The following DNAH10 variants were observed in gnomAD, a reference collection of about 807,000 sequenced individuals.
The protein encoded by DNAH10 is dynein axonemal heavy chain 10, also known as axonemal beta dynein heavy chain 10.
In DNAH10, 348 loss-of-function variants were observed where a neutral mutation model predicts 506.6. The observed-to-expected ratio is 0.69, with a 90% CI of 0.63 to 0.75. The LOEUF (loss-of-function observed/expected upper bound fraction) is 0.75. Among genes scored for constraint, DNAH10 ranks in the 30% least tolerant of loss-of-function variants. DNAH10 has a pLI of 0.00. For missense variants in DNAH10, 5,179 were observed against 5,787.1 expected, an observed-to-expected ratio of 0.89 and a Z score of 3.41; for synonymous variants, 2,059 against 2,198.6, an observed-to-expected ratio of 0.94 and a Z score of 1.78.
At chr12:123,851,204 A>AGACGGGACCTAGGATGTGTCAGCTCCG in intron 35 of DNAH10, 128 bp downstream of exon 35, 1 of 984,168 alleles carries the variant, frequency 1.0e-6, no homozygotes, top group Non-Finnish European at 1.4e-6. Flanking sequence ...TGTCAGCTCC[A>AGACGGGACCTAGGATGTGTCAGCTCCG]TGTGGCTCTT....
At position 123,787,451 on chromosome 12, in the gene DNAH10, A is replaced by G. The variant is rs1309090518; in HGVS notation, c.1422-353A>G. On this transcript the variant is annotated intron_variant, in intron 9 of 78. Transcript: ENST00000673944. The surrounding 1 kb of genome is among the most constrained non-coding windows in gnomAD (Gnocchi z 4.6). Reference sequence around the variant, plus strand: ...CATTTCTGTCTATTTGCATAGGTGAAGTAGGTACCCAAATGGAGGCATTGT... The same window carrying G: ...CATTTCTGTCTATTTGCATAGGTGAGGTAGGTACCCAAATGGAGGCATTGT... 6.6e-6 allele frequency among the ~76,000 whole-genome samples: 1 copy of G among 152,184 alleles called. No individual in the cohort carries two copies. Among genetic ancestry groups the G allele is most frequent in the Non-Finnish European group, 1.5e-5 (1 of 68,032 alleles).
In DNAH10 at chr12:123,928,373, C is replaced by G. The variant is rs371805293; in HGVS notation, c.12106-14C>G. 2 of 1,573,942 alleles carry G rather than the reference C, an allele frequency of 1.3e-6. No homozygotes were observed. Among genetic ancestry groups the G allele is most frequent in the Admixed American group, 1.8e-5 (1 of 54,158 alleles). On this transcript the variant is annotated splice_polypyrimidine_tract_variant and intron_variant, in intron 69 of 78. Transcript: ENST00000673944. The surrounding 1 kb of genome is among the most constrained non-coding windows in gnomAD (Gnocchi z 4.9). ...GATGCCAACCCCTCTCCTCTTCCCT[C>G]TCCCCCGGCGCAGGTGGCCCTGCAG...
Position 123,804,972 on chromosome 12 carries a change from C to A in DNAH10, c.2919C>A (p.Pro973=), listed in dbSNP as rs148191324. 8.1e-6 allele frequency: 13 copies of A among 1,614,218 alleles called. No homozygotes were observed. In the African/African-American group the frequency reaches 1.6e-4, roughly 20 times the overall value. ...TCCACACCAACACAGGCAAGGCCCCCAAGCTGGCCTCCTACTACAAATACT... is the reference window on the plus strand; with the variant it reads ...TCCACACCAACACAGGCAAGGCCCCAAAGCTGGCCTCCTACTACAAATACT... ...LVVHTNTGKA[P]KLASYYKYWE... The change falls in exon 18 of 79, where the codon CCC becomes CCA. Residue 973 remains proline, a synonymous_variant. Coordinates refer to ENST00000673944, the MANE Select transcript of DNAH10 (RefSeq NM_001372106.1).
intron 57 of DNAH10, among the ~76,000 whole-genome samples, chr12:123,905,213 C>T (rs901256630): frequency 1.3e-5 from 2 of 152,248 alleles, no homozygotes; most frequent in Non-Finnish European, 2.9e-5. Flanking sequence ...AACATTCCTT[C>T]ACATTCCATT....
chr12:123,923,900 C>A lies in DNAH10; in HGVS notation c.11611+33C>A, dbSNP rs758744152. 7 of 1,457,626 alleles carry A rather than the reference C, an allele frequency of 4.8e-6. 1 individual carries two copies. In the South Asian group the frequency reaches 8.6e-5, roughly 18 times the overall value. The allele number at this position is 1,457,626 out of a possible 1,614,324, so 90.3% of individuals were successfully genotyped here. On this transcript the variant is annotated intron_variant, in intron 66 of 78. Transcript: ENST00000673944. ...ATTTGCCTAGCTTCATTCCTCCCATCTCCTTGCCCACATGATACATGTATA... is the reference window on the plus strand; with the variant it reads ...ATTTGCCTAGCTTCATTCCTCCCATATCCTTGCCCACATGATACATGTATA...
Position 123,866,097 on chromosome 12 carries a change from C to T in DNAH10, c.7167+24C>T, listed in dbSNP as rs1008868831. 3.2e-6 allele frequency: 5 copies of T among 1,563,364 alleles called. No individual in the cohort carries two copies. In the African/African-American group the frequency reaches 6.8e-5, roughly 21 times the overall value. On this transcript the variant is annotated intron_variant, in intron 41 of 78. Coordinates refer to ENST00000673944, the MANE Select transcript of DNAH10 (RefSeq NM_001372106.1). ...AGGTGAAATTTTTTTCTAAAATGAACTTAAATTTATTAGTATTGATGGCTA... is the reference window on the plus strand; with the variant it reads ...AGGTGAAATTTTTTTCTAAAATGAATTTAAATTTATTAGTATTGATGGCTA...
chr12:123,889,655 G>A (rs1160742798), intron 52 of DNAH10, among the ~76,000 whole-genome samples: 6 of 152,204 alleles, frequency 3.9e-5, no homozygotes, highest in African/African-American at 1.4e-4. Flanking sequence ...AGGCGTCACT[G>A]TAGAGACTTT....
chr12:123,879,401 A>G (rs1198586713), intron 49 of DNAH10, 44 bp downstream of exon 49: 1 of 1,543,070 alleles, frequency 6.5e-7, no homozygotes, highest in Non-Finnish European at 8.7e-7. Flanking sequence ...CTTCTCAGGA[A>G]AATAAACAAG....
intron 38 of DNAH10, 146 bp from the exon 39 acceptor site, chr12:123,860,866 G>A: frequency 2.0e-6 from 2 of 996,878 alleles, no homozygotes; most frequent in Non-Finnish European, 3.0e-6. Context: ...TAACAGTGAA[G>A]GGAAGCCCAG....
chr12:123,796,665 A>C lies in DNAH10; in HGVS notation c.1996A>C (p.Ile666Leu), dbSNP rs758334040. ...LAQYCKEIDI[I>L]NKIFVQNLEN... ...TTTGATTGCTTTTCAGATTGACATC[A>C]TTAATAAAATCTTTGTCCAGAACCT... Residue 666 changes from isoleucine to leucine, a missense_variant, in exon 13 of 79, where the codon ATT (isoleucine) becomes CTT (leucine). By Grantham distance (5) the Ile-to-Leu change is conservative. Transcript: ENST00000673944. 9 of 1,605,564 alleles carry C rather than the reference A, an allele frequency of 5.6e-6. 1 individual carries two copies. In the South Asian group the frequency reaches 1.0e-4, roughly 18 times the overall value.
chr12:123,816,451 T>C (rs1959146039), intron 21 of DNAH10, among the ~76,000 whole-genome samples: 1 of 152,218 alleles, frequency 6.6e-6, no homozygotes, highest in African/African-American at 2.4e-5. Context: ...TTTGGAGAGC[T>C]TCCAGGTTGT....
In DNAH10 at chr12:123,861,091, A is replaced by G. The variant is rs1430718180; in HGVS notation, c.6829A>G (p.Thr2277Ala). ...VIELYGILDP[T>A]TRDWTDGVLS... ...AGAACTCTACGGCATCCTGGACCCA[A>G]CCACCCGAGACTGGACAGATGGGGT... The change falls in exon 39 of 79, where the codon ACC (threonine) becomes GCC (alanine). Residue 2277 changes from threonine (T) to alanine (A), a missense_variant. This residue lies in a region of DNAH10 where 4,844 missense variants were observed against 5,430.5 expected (regional missense o/e 0.89). Coordinates refer to ENST00000673944, the MANE Select transcript of DNAH10 (RefSeq NM_001372106.1). The G allele has an allele frequency of 3.1e-6, 5 of 1,613,852 alleles. No homozygotes were observed. The highest frequency in any genetic ancestry group is 3.3e-5 in the Admixed American group (2 of 59,994).
intron 65 of DNAH10, among the ~76,000 whole-genome samples, chr12:123,920,305 C>T (rs1954669710): frequency 6.6e-6 from 1 of 152,198 alleles, no homozygotes; most frequent in Non-Finnish European, 1.5e-5. Flanking sequence ...CAAACTTTTT[C>T]TGGAAAGGGT....
At chr12:123,900,898 T>C (rs1953489234) in intron 56 of DNAH10, among the ~76,000 whole-genome samples, 1 of 152,164 alleles carries the variant, frequency 6.6e-6, no homozygotes, top group Non-Finnish European at 1.5e-5. Flanking sequence ...AGAGGGCTCT[T>C]CTTTCCCATA....
intron 24 of DNAH10, among the ~76,000 whole-genome samples, chr12:123,824,103 G>A (rs1959711968): frequency 6.6e-6 from 1 of 152,124 alleles, no homozygotes; most frequent in Non-Finnish European, 1.5e-5. Flanking sequence ...TAATCCCAGG[G>A]GATCCTGGGG....
intron 78 of DNAH10, 71 bp from the exon 79 acceptor site, chr12:123,935,264 C>A (rs552017077): frequency 6.4e-7 from 1 of 1,561,008 alleles, no homozygotes; most frequent in South Asian, 1.2e-5. Context: ...TCAAGACTTA[C>A]ACTGCACCTC....
intron 23 of DNAH10, among the ~76,000 whole-genome samples, chr12:123,820,260 G>C (rs1273556309): frequency 6.6e-6 from 1 of 152,174 alleles, no homozygotes; most frequent in Non-Finnish European, 1.5e-5. Context: ...GGAGTTATCA[G>C]TAGGATGATG....
intron 77 of DNAH10, 36 bp downstream of exon 77, chr12:123,933,547 C>A: frequency 1.3e-6 from 2 of 1,542,728 alleles, no homozygotes; most frequent in South Asian, 2.5e-5. Context: ...CAGCCTCTCA[C>A]TTAGGATTTC....
intron 57 of DNAH10, among the ~76,000 whole-genome samples, chr12:123,908,851 T>TGGTGG (rs375461446): frequency 6.8e-6 from 1 of 146,656 alleles, no homozygotes; most frequent in African/African-American, 2.7e-5. Context: ...GAGATAATGG[T>TGGTGG]TGGTGGTGAT....
Sources: gnomAD v4.1 joint callset for allele counts (sites outside exome capture counted in the v4.1 genomes callset) on GRCh38, gnomAD v4.1.1 for gene constraint, gnomAD v4.1.1 regional missense constraint, Gnocchi (gnomAD v3.1) non-coding constraint, MANE v1.5 for transcripts, NCBI Gene and HGNC (gene_info 2026-07-23, HGNC 2026-07-21) for gene names.